Variants in TMEM131 observed in about 807,000 individuals in gnomAD.
TMEM131 encodes transmembrane protein 131, also known as 2610524E03Rik.
In TMEM131, 66 loss-of-function variants were observed where a neutral mutation model predicts 211.6. The ratio of observed to expected loss-of-function variants is 0.31; its 90% confidence interval spans 0.26 to 0.38. The LOEUF (loss-of-function observed/expected upper bound fraction) is 0.38. TMEM131 is among the 10% of genes least tolerant of loss of function. TMEM131 has a pLI of 1.00. For missense variants in TMEM131, 2,036 were observed against 2,299.3 expected, an observed-to-expected ratio of 0.89 and a Z score of 2.34; for synonymous variants, 844 against 841.3, an observed-to-expected ratio of 1.00 and a Z score of -0.06.
intron 3 of TMEM131, among the ~76,000 whole-genome samples, chr2:97,895,644 G>C (rs1209569230): frequency 1.3e-5 from 2 of 152,124 alleles, no homozygotes; most frequent in African/African-American, 4.8e-5. Flanking sequence ...AGGTTTTCTA[G>C]TTTATTTGCG....
chr2:97,797,241 G>A, intron 26 of TMEM131, 124 bp downstream of exon 26: 1 of 982,912 alleles, frequency 1.0e-6, no homozygotes, highest in Non-Finnish European at 1.5e-6. Context: ...TGGAGTGTGT[G>A]CATGTTTTGG....
chr2:97,987,536 C>A (rs1680080918), intron 1 of TMEM131, among the ~76,000 whole-genome samples: 1 of 152,028 alleles, frequency 6.6e-6, no homozygotes, highest in Non-Finnish European at 1.5e-5. Context: ...AAAAAAGTCA[C>A]AAACTGTTAG....
chr2:97,848,209 T>C (rs1007449125), intron 5 of TMEM131, among the ~76,000 whole-genome samples: 2 of 152,184 alleles, frequency 1.3e-5, no homozygotes, highest in East Asian at 1.9e-4. Flanking sequence ...TGAAAAAGAA[T>C]AGTTGTTTTC....
intron 11 of TMEM131, among the ~76,000 whole-genome samples, chr2:97,825,453 G>A (rs148149608): frequency 4.1e-4 from 63 of 151,996 alleles, no homozygotes; most frequent in African/African-American, 7.5e-4. Flanking sequence ...AAACAGTTAC[G>A]GGGGTTCCTT....
intron 2 of TMEM131, among the ~76,000 whole-genome samples, chr2:97,910,124 A>G (rs1358617251): frequency 6.6e-6 from 1 of 152,202 alleles, no homozygotes; most frequent in Non-Finnish European, 1.5e-5. Flanking sequence ...ACTTTAAAAG[A>G]TGCTCAACAT....
At chr2:97,903,275 T>C (rs1442121214) in intron 3 of TMEM131, among the ~76,000 whole-genome samples, 2 of 152,124 alleles carry the variant, frequency 1.3e-5, no homozygotes, top group East Asian at 3.9e-4. Context: ...TAGACCTAAC[T>C]AAGCACGTGC....
intron 4 of TMEM131, among the ~76,000 whole-genome samples, chr2:97,885,468 G>A (rs557512867): frequency 7.9e-5 from 12 of 152,052 alleles, no homozygotes; most frequent in South Asian, 2.1e-4. Flanking sequence ...GATTACAGGC[G>A]TGAGCCACCG....
At position 97,757,082 on chromosome 2, in the gene TMEM131, T is replaced by C. The variant is rs1678526661; in HGVS notation, c.*17A>G. On this transcript the variant is annotated 3_prime_UTR_variant, in exon 41 of 41. Coordinates refer to ENST00000186436, the MANE Select transcript of TMEM131 (RefSeq NM_015348.2). ...TCTAGACGAGGGCCCACTATGTTTG[T>C]TTGTTTTTTGCTTAATTTAATTCTC... 6.4e-7 allele frequency: 1 copy of C among 1,568,204 alleles called. No individual in the cohort carries two copies. The highest frequency in any genetic ancestry group is 1.2e-5 in the South Asian group (1 of 84,822).
chr2:97,927,431 G>A lies in TMEM131; in HGVS notation c.244C>T (p.Leu82=), dbSNP rs1365495883. Residue 82 remains leucine, a synonymous_variant, in exon 2 of 41, where the codon CTA becomes TTA. Transcript: ENST00000186436. ...TCTACTTAAAAAAAAATTACCTGTA[G>A]TAGCCCTCCATCATCAAAACGCAGT... ...EVLRFDDGGL[L]QTETTLGLSS... is the part of the protein sequence containing the mutation. The A allele has an allele frequency of 2.5e-6, 4 of 1,589,376 alleles. No homozygotes were observed. The highest frequency in any genetic ancestry group is 3.4e-6 in the Non-Finnish European group (4 of 1,168,594).
intron 11 of TMEM131, among the ~76,000 whole-genome samples, chr2:97,822,339 A>C (rs531619535): frequency 1.9e-4 from 29 of 152,288 alleles, no homozygotes; most frequent in African/African-American, 7.0e-4. Flanking sequence ...TGAAGCTAGG[A>C]TACGGGGAGC....
chr2:97,836,351 C>T (rs1682939018), intron 8 of TMEM131, among the ~76,000 whole-genome samples: 1 of 152,196 alleles, frequency 6.6e-6, no homozygotes, highest in Non-Finnish European at 1.5e-5. Flanking sequence ...TCAAACCTTA[C>T]TCCTGGTTGT....
At chr2:97,771,185 C>A (rs1679447335) in intron 33 of TMEM131, among the ~76,000 whole-genome samples, 1 of 152,180 alleles carries the variant, frequency 6.6e-6, no homozygotes, top group African/African-American at 2.4e-5. Context: ...GACCTGGTCA[C>A]TTGAACTAAC....
chr2:97,897,584 C>T (rs949791911), intron 3 of TMEM131, among the ~76,000 whole-genome samples: 2 of 152,030 alleles, frequency 1.3e-5, no homozygotes, highest in African/African-American at 4.8e-5. Context: ...TCTTGCATTC[C>T]TAGGATAAAA....
At chr2:97,939,304 A>G (rs1300330389) in intron 1 of TMEM131, among the ~76,000 whole-genome samples, 1 of 152,208 alleles carries the variant, frequency 6.6e-6, no homozygotes, top group African/African-American at 2.4e-5. Flanking sequence ...AGAAGAAAAG[A>G]GAAGAATCAA....
intron 31 of TMEM131, among the ~76,000 whole-genome samples, chr2:97,778,442 T>C (rs951901709): frequency 6.6e-6 from 1 of 152,094 alleles, no homozygotes; most frequent in Non-Finnish European, 1.5e-5. Context: ...TCCCAGTTAC[T>C]TGGGAGGCTG....
In TMEM131 at chr2:97,762,060, T is replaced by C. The variant is rs377673368; in HGVS notation, c.4864A>G (p.Ser1622Gly). ...CPFVARGSYS[S>G]IVNSSSSSDP... ...CTGCTGGAGCTGCTGTTGACGATGC[T>C]GCTGTAGCTGCCCCGGGCCACAAAG... Residue 1622 changes from serine to glycine, a missense_variant, in exon 36 of 41, where the codon AGC becomes GGC. Ser to Gly is a moderately conservative substitution (Grantham distance 56, BLOSUM62 0). Transcript: ENST00000186436. The C allele has an allele frequency of 8.8e-6, 14 of 1,585,292 alleles. No homozygotes were observed. Among genetic ancestry groups the C allele is most frequent in the Non-Finnish European group, 1.0e-5 (12 of 1,170,124 alleles).
At chr2:97,818,481 G>GGGGGAAAAAACAAA in intron 12 of TMEM131, 132 bp downstream of exon 12, 1 of 292,102 alleles carries the variant, frequency 3.4e-6, no homozygotes. Flanking sequence ...GGCGGGGGGG[G>GGGGGAAAAAACAAA]ATCAACCTAA....
At chr2:97,971,353 G>A (rs1420644293) in intron 1 of TMEM131, among the ~76,000 whole-genome samples, 1 of 152,140 alleles carries the variant, frequency 6.6e-6, no homozygotes, top group African/African-American at 2.4e-5. Context: ...GGCATTAGCT[G>A]TGATAAGTGG....
rs367763405 is a variant in TMEM131, at chr2:97,976,775, TG to T, written c.187+18700del. Among the ~76,000 whole-genome samples, 29 of 152,142 alleles carry T rather than the reference TG, an allele frequency of 1.9e-4. No homozygotes were observed. The East Asian group carries it at 3.5e-3, about 18-fold the overall frequency. On this transcript the variant is annotated intron_variant, in intron 1 of 40. Coordinates refer to ENST00000186436, the MANE Select transcript of TMEM131 (RefSeq NM_015348.2). ...TAATACAGCTGCAGTCAAGACAGTG[TG>T]GTACTGGCATCAAGGCAGAAAAATA...
Sources: gnomAD v4.1 joint callset for allele counts (sites outside exome capture counted in the v4.1 genomes callset) on GRCh38, gnomAD v4.1.1 for gene constraint, MANE v1.5 for transcripts, NCBI Gene and HGNC (gene_info 2026-07-23, HGNC 2026-07-21) for gene names.